The following TNIP1 variants were observed in gnomAD, a reference collection of about 807,000 sequenced individuals.
TNIP1 encodes the protein TNFAIP3-interacting protein 1.
Under a neutral mutation model 86.6 loss-of-function variants are expected in TNIP1, and 22 were observed. The ratio of observed to expected loss-of-function variants is 0.25; its 90% CI spans 0.18 to 0.36. The LOEUF is 0.36. Ranked by LOEUF, TNIP1 falls within the 10% of genes least tolerant of loss-of-function variation. The probability of loss-of-function intolerance (pLI) is 1.00; values close to 1 mark genes in which losing one functional copy is unlikely to be tolerated. For missense variants in TNIP1, 709 were observed against 820.6 expected (o/e 0.86, Z 1.66); for synonymous variants, 294 against 313.0 (o/e 0.94, Z 0.64).
At position 151,035,675 on chromosome 5, in the gene TNIP1, C is replaced by T. The variant is rs113821297; in HGVS notation, c.1428G>A (p.Glu476=). Reference sequence around the variant, plus strand: ...CATTCATGCGCTCACGATCACTGCGCTCCCTCTGGAAGTCCTCCTCGAAGA... The same window carrying T: ...CATTCATGCGCTCACGATCACTGCGTTCCCTCTGGAAGTCCTCCTCGAAGA... The part of the protein sequence containing the change: ...VKIFEEDFQR[E]RSDRERMNEE... The change falls in exon 14 of 18, where the codon GAG becomes GAA. Residue 476 remains glutamate, a synonymous_variant. Coordinates refer to ENST00000521591, the MANE Select transcript of TNIP1 (RefSeq NM_006058.5). 6.8e-6 allele frequency: 11 copies of T among 1,614,120 alleles called. 1 individual carries two copies. In the African/African-American group the frequency reaches 9.3e-5, roughly 14 times the overall value.
intron 2 of TNIP1, among the ~76,000 whole-genome samples, 195 bp from the exon 3 acceptor site, chr5:151,063,942 G>GGA (rs780440446): frequency 5.3e-5 from 8 of 152,226 alleles, no homozygotes; most frequent in Admixed American, 1.3e-4. Context: ...GCTAGAGCAA[G>GGA]GACGAGGGCC....
intron 7 of TNIP1, 132 bp downstream of exon 7, chr5:151,052,033 G>A (rs1759992508): frequency 1.3e-5 from 9 of 708,306 alleles, no homozygotes; most frequent in East Asian, 2.8e-5. Flanking sequence ...ATCAAGAGAC[G>A]TAACCTCCAA....
intron 1 of TNIP1, chr5:151,080,436 A>G (rs1394943207): frequency 6.6e-6 from 1 of 152,234 alleles, no homozygotes; most frequent in African/African-American, 2.4e-5. Flanking sequence ...TAATACACGT[A>G]CAGCGTTAAG....
At chr5:151,075,317 T>C (rs961928847) in intron 1 of TNIP1, among the ~76,000 whole-genome samples, 2 of 152,186 alleles carry the variant, frequency 1.3e-5, no homozygotes, top group Admixed American at 6.5e-5. Context: ...CCTTCAATTT[T>C]TCTTTTTTCT....
At chr5:151,083,454 G>A (rs1764159224), upstream of TNIP1, among the ~76,000 whole-genome samples, 1 of 152,168 alleles carries the variant, frequency 6.6e-6, no homozygotes, top group South Asian at 2.1e-4. Flanking sequence ...AGCATGGCAG[G>A]AATGGGAGAC....
intron 8 of TNIP1, 21 bp downstream of exon 8, chr5:151,049,803 A>T: frequency 4.3e-6 from 7 of 1,614,008 alleles, no homozygotes; most frequent in Non-Finnish European, 5.9e-6. Flanking sequence ...GATGCTACAG[A>T]AGGAATTTCT....
At chr5:151,059,492 T>A (rs1177714557) in intron 5 of TNIP1, among the ~76,000 whole-genome samples, 1 of 152,118 alleles carries the variant, frequency 6.6e-6, no homozygotes, top group East Asian at 1.9e-4. Flanking sequence ...CAGCCAAACC[T>A]TTGTGAAGGG....
intron 7 of TNIP1, 70 bp downstream of exon 7, chr5:151,052,095 A>G: frequency 7.1e-7 from 1 of 1,417,978 alleles, no homozygotes; most frequent in Non-Finnish European, 9.8e-7. Flanking sequence ...CCCAGAAATC[A>G]GTGCTGCACA....
intron 11 of TNIP1, among the ~76,000 whole-genome samples, 173 bp from the exon 12 acceptor site, chr5:151,039,398 T>C (rs62382333): frequency 0.084 from 12,784 of 152,126 alleles, 999 homozygotes; most frequent in East Asian, 0.41. Flanking sequence ...CTGCCCTCAA[T>C]TATTATGTGT....
intron 1 of TNIP1, among the ~76,000 whole-genome samples, chr5:151,066,038 G>A (rs746589208): frequency 3.4e-4 from 52 of 152,132 alleles, no homozygotes; most frequent in Non-Finnish European, 5.9e-4. Flanking sequence ...ATTGAGCATC[G>A]ACTCCGTGCT....
rs547741408 is a variant in TNIP1, at chr5:151,041,181, G to A, written c.1134+1359C>T. ...CGCCTCCCGGGTTCAAGCGATTCTC[G>A]TGCCTCAGTCTACCGAGTAGCTGGG... On this transcript the variant is annotated intron_variant, in intron 11 of 17. Coordinates refer to ENST00000521591, the MANE Select transcript of TNIP1 (RefSeq NM_006058.5). 3.3e-5 allele frequency among the ~76,000 whole-genome samples: 5 copies of A among 150,614 alleles called. No individual in the cohort carries two copies. The East Asian group carries it at 5.9e-4, about 18-fold the overall frequency.
At position 151,032,396 on chromosome 5, in the gene TNIP1, T is replaced by G; in HGVS notation, c.1780-13A>C. The G allele has an allele frequency of 6.2e-7, 1 of 1,613,564 alleles. No individual in the cohort carries two copies. The highest frequency in any genetic ancestry group is 8.5e-7 in the Non-Finnish European group (1 of 1,179,766). ...AGGTGTATTCCGGCTGCGACAAAAC[T>G]GGTGCTTAATAATCAATAATCACAC... is the stretch of plus-strand genomic sequence containing the variant. On this transcript the variant is annotated splice_polypyrimidine_tract_variant and intron_variant, in intron 16 of 17. Transcript: ENST00000521591.
chr5:151,059,202 T>TA (rs1279387366), intron 5 of TNIP1, among the ~76,000 whole-genome samples: 1 of 152,204 alleles, frequency 6.6e-6, no homozygotes, highest in Non-Finnish European at 1.5e-5. Flanking sequence ...CTACGTCAGT[T>TA]AAAGTTATCG....
At chr5:151,059,826 AGAGTGTGTGTGTGTGT>A (rs1761234978) in intron 5 of TNIP1, among the ~76,000 whole-genome samples, 1 of 72,158 alleles carries the variant, frequency 1.4e-5, no homozygotes, top group Admixed American at 1.6e-4. Context: ...AGAGAGAGAG[AGAGTGTGTGTGTGTGT>A]GTGTGTGTGT....
At chr5:151,059,654 T>C (rs1199250002) in intron 5 of TNIP1, among the ~76,000 whole-genome samples, 2 of 152,104 alleles carry the variant, frequency 1.3e-5, no homozygotes, top group African/African-American at 4.8e-5. Context: ...CTTTTCACAA[T>C]GGTTCTTCAA....
At chr5:151,057,129 A>G (rs1760772842) in intron 5 of TNIP1, among the ~76,000 whole-genome samples, 172 bp from the exon 6 acceptor site, 1 of 152,234 alleles carries the variant, frequency 6.6e-6, no homozygotes. Flanking sequence ...GCTGACTCAC[A>G]GGGCAGAACC....
At chr5:151,065,369 G>A (rs751576362) in intron 1 of TNIP1, among the ~76,000 whole-genome samples, 1 of 152,100 alleles carries the variant, frequency 6.6e-6, no homozygotes, top group Non-Finnish European at 1.5e-5. Flanking sequence ...GGCTTGTTTG[G>A]AACAGGAGTC....
In TNIP1 at chr5:151,033,624, G is replaced by A. The variant is rs764624153; in HGVS notation, c.1763C>T (p.Ser588Leu). Residue 588 changes from serine to leucine, a missense_variant, in exon 16 of 18, where the codon TCG (serine) becomes TTG (leucine). By Grantham distance (145) the Ser-to-Leu change is moderately radical. Transcript: ENST00000521591. Reference protein sequence around the residue: ...AMEHPPPLPNSRLFHLPEYTW... With the variant: ...AMEHPPPLPNLRLFHLPEYTW... Reference sequence around the variant, plus strand: ...CAGACTCACCAGATGGAAGAGGCGCGAGTTGGGGAGTGGGGGCGGGTGCTC... The same window carrying A: ...CAGACTCACCAGATGGAAGAGGCGCAAGTTGGGGAGTGGGGGCGGGTGCTC... 1.1e-5 allele frequency: 15 copies of A among 1,354,662 alleles called. No individual in the cohort carries two copies. The highest frequency in any genetic ancestry group is 6.4e-5 in the South Asian group (3 of 46,876). The allele number at this position is 1,354,662 out of a possible 1,614,324, so 83.9% of individuals were successfully genotyped here. A position where few individuals can be genotyped will look rare whatever the true frequency, so the allele number is the denominator to read the frequency against.
intron 16 of TNIP1, chr5:151,032,821 A>C (rs952712118): frequency 1.5e-5 from 3 of 196,348 alleles, no homozygotes; most frequent in African/African-American, 7.2e-5. Flanking sequence ...TCTTTGGAAG[A>C]AGAATGATAA....
Sources: gnomAD v4.1 joint callset for allele counts (sites outside exome capture counted in the v4.1 genomes callset) on GRCh38, gnomAD v4.1.1 for gene constraint, MANE v1.5 for transcripts, NCBI Gene and HGNC (gene_info 2026-07-23, HGNC 2026-07-21) for gene names.